The following EPHA7 variants were observed in gnomAD, a reference collection of about 807,000 sequenced individuals.
EPHA7 encodes the protein EPH receptor A7, also known as ephrin type-A receptor 7.
A neutral mutation model predicts 112.6 loss-of-function variants in EPHA7; 25 were observed. The ratio of observed to expected loss-of-function variants is 0.22; its 90% CI spans 0.16 to 0.31. The LOEUF is 0.31. Among genes scored for constraint, EPHA7 ranks in the 10% least tolerant of loss-of-function variants. EPHA7 has a pLI of 1.00. For synonymous variants in EPHA7, 437 were observed against 406.5 expected (o/e 1.07, Z -0.90); for missense variants, 962 against 1,212.6 (o/e 0.79, Z 3.07).
At chr6:93,327,644 G>A (rs1205664847) in intron 5 of EPHA7, among the ~76,000 whole-genome samples, 1 of 151,226 alleles carries the variant, frequency 6.6e-6, no homozygotes, top group East Asian at 1.9e-4. Context: ...GCTTCCCTTG[G>A]CCACTGTCTT....
intron 3 of EPHA7, among the ~76,000 whole-genome samples, chr6:93,374,136 C>T (rs1205538361): frequency 6.6e-6 from 1 of 152,030 alleles, no homozygotes; most frequent in African/African-American, 2.4e-5. Flanking sequence ...AGAGATAGTT[C>T]TATGAAGGAG....
rs114191373 is a variant in EPHA7 at position 93,413,697 on chromosome 6, A to T, written c.162+1006T>A. On this transcript the variant is annotated intron_variant, in intron 2 of 16. Coordinates refer to ENST00000369303, the MANE Select transcript of EPHA7 (RefSeq NM_004440.4). Reference sequence around the variant, plus strand: ...CCACAATATGAATGAAAGGAATCTTAAAAATTAAATTTAATGAAAACTCTA... The same window carrying T: ...CCACAATATGAATGAAAGGAATCTTTAAAATTAAATTTAATGAAAACTCTA... Among the ~76,000 whole-genome samples the T allele has an allele frequency of 7.4e-3, 1,126 of 152,030 alleles. 11 individuals are homozygous for T. Among genetic ancestry groups the T allele is most frequent in the African/African-American group, 0.025 (1,027 of 41,570 alleles).
intron 3 of EPHA7, among the ~76,000 whole-genome samples, chr6:93,406,371 C>G (rs879750317): frequency 1.3e-5 from 2 of 151,172 alleles, no homozygotes; most frequent in Non-Finnish European, 3.0e-5. Flanking sequence ...CAAAAAGAAG[C>G]AGTGTTAATT....
At chr6:93,395,347 T>C (rs939266764) in intron 3 of EPHA7, among the ~76,000 whole-genome samples, 1 of 151,862 alleles carries the variant, frequency 6.6e-6, no homozygotes, top group African/African-American at 2.4e-5. Flanking sequence ...TTTACAGCTT[T>C]TATTAGTAGA....
intron 14 of EPHA7, among the ~76,000 whole-genome samples, chr6:93,250,801 A>G (rs142932223): frequency 6.6e-6 from 1 of 152,106 alleles, no homozygotes; most frequent in Non-Finnish European, 1.5e-5. Context: ...TTCATAACCA[A>G]TTCTATATCT....
chr6:93,258,008 A>G (rs1770514565), intron 11 of EPHA7, 91 bp downstream of exon 11: 1 of 1,232,332 alleles, frequency 8.1e-7, no homozygotes, highest in South Asian at 1.4e-5. Flanking sequence ...ACTGTGCAAC[A>G]TATTTCATAA....
chr6:93,257,570 G>T, intron 11 of EPHA7, 47 bp from the exon 12 acceptor site: 1 of 1,285,014 alleles, frequency 7.8e-7, no homozygotes, highest in South Asian at 1.2e-5. Flanking sequence ...CTGAGCTGGA[G>T]GGTCATTTCC....
At chr6:93,357,761 C>T (rs902113772) in intron 4 of EPHA7, among the ~76,000 whole-genome samples, 2 of 151,284 alleles carry the variant, frequency 1.3e-5, no homozygotes, top group East Asian at 3.9e-4. Flanking sequence ...TCAAGTGATT[C>T]TCCTGCTTCA....
intron 5 of EPHA7, among the ~76,000 whole-genome samples, chr6:93,353,757 T>C (rs1308483136): frequency 6.6e-6 from 1 of 152,090 alleles, no homozygotes; most frequent in Non-Finnish European, 1.5e-5. Context: ...ATGAGGAGTT[T>C]AGTGATCAAC....
rs368200487 is a variant in EPHA7, at chr6:93,255,810, T to C, written c.2382+18A>G. The C allele has an allele frequency of 3.1e-6, 5 of 1,600,378 alleles. No homozygotes were observed. The African/African-American group carries it at 4.0e-5, about 13-fold the overall frequency. ...ATCTTAAGAATATGAAGAAGTGCAGTAAATGACTTTTTCTTACAGTAGTTG... is the reference window on the plus strand; with the variant it reads ...ATCTTAAGAATATGAAGAAGTGCAGCAAATGACTTTTTCTTACAGTAGTTG... On this transcript the variant is annotated intron_variant, in intron 13 of 16. Transcript: ENST00000369303.
intron 3 of EPHA7, among the ~76,000 whole-genome samples, chr6:93,379,850 C>T (rs1010902043): frequency 1.3e-5 from 2 of 151,952 alleles, no homozygotes; most frequent in Admixed American, 6.6e-5. Context: ...TAAACATACA[C>T]CAAAGTTCTG....
chr6:93,280,210 C>T (rs1159385464), intron 5 of EPHA7, among the ~76,000 whole-genome samples: 3 of 152,112 alleles, frequency 2.0e-5, no homozygotes, highest in Admixed American at 6.6e-5. Context: ...CAACATATTC[C>T]TGGGAGACAG....
chr6:93,408,489 C>T (rs1181920769), intron 3 of EPHA7, among the ~76,000 whole-genome samples: 1 of 151,988 alleles, frequency 6.6e-6, no homozygotes, highest in Non-Finnish European at 1.5e-5. Flanking sequence ...ATGGAAACTG[C>T]AGGATTTTCT....
chr6:93,395,857 G>C (rs1278608334), intron 3 of EPHA7, among the ~76,000 whole-genome samples: 1 of 151,840 alleles, frequency 6.6e-6, no homozygotes, highest in East Asian at 1.9e-4. Context: ...AAGTGTCATA[G>C]TTTGGGTCTC....
intron 3 of EPHA7, among the ~76,000 whole-genome samples, chr6:93,384,415 C>T (rs1777496810): frequency 6.6e-6 from 1 of 152,032 alleles, no homozygotes; most frequent in Non-Finnish European, 1.5e-5. Flanking sequence ...ATCATTATGC[C>T]CTCCTTAAGA....
chr6:93,321,541 G>C (rs180838698), intron 5 of EPHA7, among the ~76,000 whole-genome samples: 9 of 151,914 alleles, frequency 5.9e-5, no homozygotes. Context: ...AATTAAGGTG[G>C]TGTTTGTTTA....
At chr6:93,286,151 C>CACACACACACACACCCT (rs1200979834) in intron 5 of EPHA7, among the ~76,000 whole-genome samples, 5 of 152,106 alleles carry the variant, frequency 3.3e-5, no homozygotes, top group Non-Finnish European at 7.4e-5. Context: ...TCCTTACACA[C>CACACACACACACACCCT]ACACACACAC....
intron 3 of EPHA7, among the ~76,000 whole-genome samples, chr6:93,376,617 A>G (rs1562137231): frequency 6.6e-6 from 1 of 152,192 alleles, no homozygotes. Context: ...TTATAAAATA[A>G]CATTTAATGT....
At chr6:93,310,162 T>C (rs1442910754) in intron 5 of EPHA7, among the ~76,000 whole-genome samples, 1 of 152,178 alleles carries the variant, frequency 6.6e-6, no homozygotes, top group Non-Finnish European at 1.5e-5. Flanking sequence ...TTGGAATAAA[T>C]TACTTGGCCT....
Sources: allele counts gnomAD v4.1 joint callset (sites outside exome capture counted in the v4.1 genomes callset), GRCh38; gene constraint gnomAD v4.1.1; transcripts MANE v1.5; gene names NCBI Gene and HGNC (gene_info 2026-07-23, HGNC 2026-07-21).